The following PSD3 variants were observed in gnomAD, a reference collection of about 807,000 sequenced individuals.
The protein encoded by PSD3 is pleckstrin and Sec7 domain containing 3.
A neutral mutation model predicts 105.5 loss-of-function variants in PSD3; 49 were observed. The ratio of observed to expected loss-of-function variants is 0.46; its 90% CI spans 0.37 to 0.59. The LOEUF is 0.59. Ranked by LOEUF, PSD3 falls within the 20% of genes least tolerant of loss-of-function variation. The probability of loss-of-function intolerance (pLI) is 0.00; values close to 1 mark genes in which losing one functional copy is unlikely to be tolerated. For missense variants in PSD3, 1,561 were observed against 1,263.8 expected (o/e 1.24, Z -3.57); for synonymous variants, 557 against 457.8 (o/e 1.22, Z -2.77).
At chr8:18,819,575 A>ATTTTTTTTTTTTTTTTTTTTTTTTTTTT (rs746931460) in intron 4 of PSD3, among the ~76,000 whole-genome samples, 1 of 111,320 alleles carries the variant, frequency 9.0e-6, no homozygotes. Context: ...ATTAGAATGG[A>ATTTTTTTTTTTTTTTTTTTTTTTTTTTT]TTTTTTTTTT....
intron 15 of PSD3, among the ~76,000 whole-genome samples, chr8:18,544,248 T>G (rs1188426242): frequency 4.8e-5 from 7 of 146,186 alleles, no homozygotes; most frequent in Non-Finnish European, 1.0e-4. Context: ...AAGTAAGGAC[T>G]GCTCATCTCC....
chr8:18,601,270 G>C (rs1179659918), intron 11 of PSD3, among the ~76,000 whole-genome samples: 3 of 152,072 alleles, frequency 2.0e-5, no homozygotes, highest in African/African-American at 7.2e-5. Flanking sequence ...AACAGTTTAG[G>C]ATTTATTATC....
At chr8:18,982,059 C>T (rs2129472851) in intron 1 of PSD3, among the ~76,000 whole-genome samples, 1 of 152,346 alleles carries the variant, frequency 6.6e-6, no homozygotes, top group Non-Finnish European at 1.5e-5. Flanking sequence ...TCAATCCTCT[C>T]AAACCCTACA....
intron 10 of PSD3, among the ~76,000 whole-genome samples, chr8:18,653,630 C>A (rs1432519564): frequency 6.6e-6 from 1 of 152,178 alleles, no homozygotes; most frequent in South Asian, 2.1e-4. Context: ...ACAAGATGCT[C>A]TGCTAACTTC....
intron 2 of PSD3, among the ~76,000 whole-genome samples, chr8:18,882,302 C>T (rs1818157083): frequency 6.6e-6 from 1 of 152,104 alleles, no homozygotes; most frequent in Non-Finnish European, 1.5e-5. Flanking sequence ...TTAGTGTCAC[C>T]CAAGTCCTAC....
chr8:18,565,466 T>C (rs1801680396), intron 14 of PSD3, among the ~76,000 whole-genome samples: 1 of 152,166 alleles, frequency 6.6e-6, no homozygotes, highest in Admixed American at 6.5e-5. Context: ...CTGGCAATAA[T>C]CAATTTTAAT....
At chr8:18,677,960 A>C (rs577283227) in intron 9 of PSD3, among the ~76,000 whole-genome samples, 76 of 151,186 alleles carry the variant, frequency 5.0e-4, no homozygotes, top group African/African-American at 1.7e-3. Context: ...CAGTGAGCCG[A>C]GATCAGGCCA....
intron 15 of PSD3, among the ~76,000 whole-genome samples, chr8:18,552,873 T>G (rs1479182984): frequency 6.6e-6 from 1 of 152,148 alleles, no homozygotes; most frequent in African/African-American, 2.4e-5. Context: ...CCATTCTGAG[T>G]AAAGTTTGCT....
At chr8:18,758,909 G>A in intron 9 of PSD3, among the ~76,000 whole-genome samples, 1 of 152,090 alleles carries the variant, frequency 6.6e-6, no homozygotes, top group East Asian at 1.9e-4. Flanking sequence ...CTTTGAGAAA[G>A]CAAGGGAAAA....
chr8:18,671,115 T>G (rs1799758922), intron 9 of PSD3, among the ~76,000 whole-genome samples: 1 of 152,068 alleles, frequency 6.6e-6, no homozygotes. Context: ...AACACAATTA[T>G]GATGGGAGGC....
intron 9 of PSD3, among the ~76,000 whole-genome samples, chr8:18,755,193 C>A (rs748201072): frequency 2.0e-4 from 30 of 152,048 alleles, no homozygotes; most frequent in Non-Finnish European, 2.8e-4. Flanking sequence ...CTTTGGGAGG[C>A]CATGGTGGGC....
intron 4 of PSD3, among the ~76,000 whole-genome samples, chr8:18,847,530 G>A (rs1815195794): frequency 1.3e-5 from 2 of 152,108 alleles, no homozygotes; most frequent in South Asian, 4.1e-4. Context: ...AATTTGTTTT[G>A]AATAAACGAT....
At chr8:18,782,951 A>G (rs1235682017) in intron 8 of PSD3, among the ~76,000 whole-genome samples, 1 of 152,226 alleles carries the variant, frequency 6.6e-6, no homozygotes, top group African/African-American at 2.4e-5. Flanking sequence ...AATGCAAGAA[A>G]TATTCATAAG....
In PSD3 at chr8:18,529,086, G is replaced by A. The variant is rs1351011013; in HGVS notation, c.*6657C>T. 2 of 152,180 alleles carry A rather than the reference G, an allele frequency of 1.3e-5. No individual in the cohort carries two copies. Among genetic ancestry groups the A allele is most frequent in the East Asian group, 1.9e-4 (1 of 5,182 alleles). The allele number at this position is 152,180 out of a possible 1,614,324, so 9.4% of individuals were successfully genotyped here. A position where few individuals can be genotyped will look rare whatever the true frequency, so the allele number is the denominator to read the frequency against. ...CTCAAAGGAATGATCTGCAGAGCAAGCAGCTCTGCCACCTTGGAAAATGAT... is the reference window on the plus strand; with the variant it reads ...CTCAAAGGAATGATCTGCAGAGCAAACAGCTCTGCCACCTTGGAAAATGAT... On this transcript the variant is annotated 3_prime_UTR_variant, in exon 16 of 16. Transcript: ENST00000327040.
intron 12 of PSD3, among the ~76,000 whole-genome samples, chr8:18,590,044 AAAC>A (rs1384223454): frequency 2.6e-5 from 4 of 152,294 alleles, no homozygotes; most frequent in South Asian, 2.1e-4. Context: ...CAAGCAAAGA[AAAC>A]AACAACAACA....
intron 6 of PSD3, 52 bp from the exon 7 acceptor site, chr8:18,801,434 ACT>A (rs771098862): frequency 2.0e-6 from 2 of 995,058 alleles, no homozygotes; most frequent in East Asian, 4.8e-5. Flanking sequence ...ATGCTATCAC[ACT>A]CTTTCATAGT....
At chr8:18,645,520 T>A (rs982510227) in intron 10 of PSD3, among the ~76,000 whole-genome samples, 9 of 152,332 alleles carry the variant, frequency 5.9e-5, no homozygotes, top group African/African-American at 2.2e-4. Context: ...AAACCAATAA[T>A]ATCCTTTACA....
intron 4 of PSD3, among the ~76,000 whole-genome samples, chr8:18,841,004 G>C (rs887994943): frequency 2.6e-5 from 4 of 152,158 alleles, no homozygotes; most frequent in Non-Finnish European, 4.4e-5. Context: ...CACTTGGTAA[G>C]GTTATTAGAA....
At chr8:18,543,341 G>A (rs528607572) in intron 15 of PSD3, among the ~76,000 whole-genome samples, 12 of 152,132 alleles carry the variant, frequency 7.9e-5, no homozygotes, top group Admixed American at 1.3e-4. Context: ...ATGGCCAGGC[G>A]CGGTGACTCA....
Sources: allele counts gnomAD v4.1 joint callset (sites outside exome capture counted in the v4.1 genomes callset), GRCh38; gene constraint gnomAD v4.1.1; transcripts MANE v1.5; gene names NCBI Gene and HGNC (gene_info 2026-07-23, HGNC 2026-07-21).